Variants in LNPK observed in about 807,000 individuals in gnomAD.
The protein encoded by LNPK is endoplasmic reticulum junction formation protein lunapark.
In LNPK, 29 loss-of-function variants were observed where a neutral mutation model predicts 55.2. That is an observed-to-expected ratio of 0.53 (90% CI 0.39 to 0.72). The LOEUF is 0.72. LNPK is among the 30% of genes least tolerant of loss of function. The pLI is 0.00. For synonymous variants in LNPK, 162 were observed against 168.2 expected, an observed-to-expected ratio of 0.96 and a Z score of 0.29; for missense variants, 467 against 494.8, an observed-to-expected ratio of 0.94 and a Z score of 0.53.
At chr2:175,947,980 T>C (rs1448087473) in intron 8 of LNPK, among the ~76,000 whole-genome samples, 3 of 152,188 alleles carry the variant, frequency 2.0e-5, no homozygotes, top group Admixed American at 2.0e-4. Flanking sequence ...ATGTGCCATG[T>C]CTTTTTAAAG....
At chr2:175,994,758 T>C (rs1251039873) in intron 2 of LNPK, among the ~76,000 whole-genome samples, 2 of 152,154 alleles carry the variant, frequency 1.3e-5, no homozygotes, top group African/African-American at 4.8e-5. Context: ...AACTTTGAGA[T>C]ACTTCCTCTA....
At chr2:175,954,558 T>C (rs565494050) in intron 8 of LNPK, among the ~76,000 whole-genome samples, 16 of 152,304 alleles carry the variant, frequency 1.1e-4, no homozygotes, top group African/African-American at 3.6e-4. Flanking sequence ...TTAGTTGAGT[T>C]TGTTCTTTTG....
chr2:175,959,476 A>G (rs1015918181), intron 8 of LNPK, among the ~76,000 whole-genome samples: 1 of 152,182 alleles, frequency 6.6e-6, no homozygotes, highest in African/African-American at 2.4e-5. Flanking sequence ...TCATAAGTGA[A>G]GGAGAAATAA....
chr2:175,933,152 G>A, intron 12 of LNPK, among the ~76,000 whole-genome samples: 1 of 151,880 alleles, frequency 6.6e-6, no homozygotes. Flanking sequence ...CAATATTCTT[G>A]AGATATTATT....
chr2:175,982,434 A>G (rs116790545), intron 4 of LNPK, among the ~76,000 whole-genome samples: 2,759 of 152,346 alleles, frequency 0.018, 88 homozygotes, highest in African/African-American at 0.062. Flanking sequence ...GGTTTTTATC[A>G]GAATTCCTCC....
chr2:175,983,672 G>C (rs1002596551), intron 4 of LNPK, among the ~76,000 whole-genome samples: 2 of 151,942 alleles, frequency 1.3e-5, no homozygotes, highest in Non-Finnish European at 2.9e-5. Flanking sequence ...TATCTTTTAA[G>C]GTTGAAAATA....
chr2:175,930,069 A>G lies in LNPK; in HGVS notation c.1185T>C (p.Thr395=). 6.2e-7 allele frequency: 1 copy of G among 1,614,012 alleles called. No individual in the cohort carries two copies. Among genetic ancestry groups the G allele is most frequent in the African/African-American group, 1.3e-5 (1 of 75,000 alleles). Residue 395 remains threonine (T), a synonymous_variant, in exon 13 of 13, where the codon ACT becomes ACC. Coordinates refer to ENST00000272748, the MANE Select transcript of LNPK (RefSeq NM_030650.3). ...DSEEPEEKQE[T]ENEEASVIET... is the part of the protein sequence containing the mutation. ...CAATCACTGAGGCTTCCTCATTCTC[A>G]GTCTCTTGTTTCTCCTCTGGTTCCT...
intron 5 of LNPK, among the ~76,000 whole-genome samples, 154 bp downstream of exon 5, chr2:175,979,656 G>T (rs936254473): frequency 6.6e-6 from 1 of 151,636 alleles, no homozygotes; most frequent in Non-Finnish European, 1.5e-5. Context: ...GAACCATCTT[G>T]ATCATTTATA....
intron 4 of LNPK, among the ~76,000 whole-genome samples, chr2:175,986,284 T>C (rs1687407233): frequency 6.6e-6 from 1 of 151,976 alleles, no homozygotes; most frequent in Admixed American, 6.6e-5. Flanking sequence ...AAAAACTCAA[T>C]AAACTTAAAT....
At chr2:175,997,458 T>C (rs1200633636) in intron 1 of LNPK, among the ~76,000 whole-genome samples, 5 of 152,166 alleles carry the variant, frequency 3.3e-5, no homozygotes, top group Admixed American at 2.0e-4. Context: ...TATGAATCAC[T>C]TGTTATTCTC....
chr2:175,955,544 G>GT (rs1685650175), intron 8 of LNPK, among the ~76,000 whole-genome samples: 1 of 152,096 alleles, frequency 6.6e-6, no homozygotes, highest in Non-Finnish European at 1.5e-5. Context: ...CTAAACAATT[G>GT]TAACAGTATG....
At chr2:175,982,569 T>C (rs991801598) in intron 4 of LNPK, among the ~76,000 whole-genome samples, 1 of 152,192 alleles carries the variant, frequency 6.6e-6, no homozygotes. Context: ...TATTTTTTGT[T>C]ATTTTTGTAG....
intron 4 of LNPK, among the ~76,000 whole-genome samples, chr2:175,991,695 G>C (rs1329693037): frequency 5.3e-5 from 8 of 152,124 alleles, no homozygotes; most frequent in Non-Finnish European, 1.0e-4. Flanking sequence ...ACCCATAAAT[G>C]CTTGTTGACT....
intron 8 of LNPK, among the ~76,000 whole-genome samples, chr2:175,949,994 G>A (rs911420732): frequency 3.3e-5 from 5 of 151,900 alleles, no homozygotes; most frequent in Non-Finnish European, 5.9e-5. Flanking sequence ...CAACAAAATA[G>A]TCATATTAGA....
chr2:175,951,284 T>C (rs1574835378), intron 8 of LNPK, among the ~76,000 whole-genome samples: 1 of 152,088 alleles, frequency 6.6e-6, no homozygotes, highest in East Asian at 1.9e-4. Context: ...GAGTAAGTTC[T>C]TTAGTGGTGA....
chr2:175,948,506 CA>C (rs1172897923), intron 8 of LNPK, among the ~76,000 whole-genome samples: 1 of 151,990 alleles, frequency 6.6e-6, no homozygotes, highest in Non-Finnish European at 1.5e-5. Context: ...TGGCTCTTTA[CA>C]AAAAAAGTTT....
At chr2:175,987,108 T>C (rs927118501) in intron 4 of LNPK, among the ~76,000 whole-genome samples, 32 of 152,196 alleles carry the variant, frequency 2.1e-4, no homozygotes, top group Non-Finnish European at 8.8e-5. Flanking sequence ...ATTATTGTAG[T>C]TGAATATAAA....
intron 8 of LNPK, among the ~76,000 whole-genome samples, chr2:175,958,100 C>A (rs1685789694): frequency 6.6e-6 from 1 of 152,222 alleles, no homozygotes; most frequent in Admixed American, 6.5e-5. Flanking sequence ...ACCAGGCCTG[C>A]CTGCCTCTGT....
intron 4 of LNPK, among the ~76,000 whole-genome samples, chr2:175,984,090 C>T (rs1488206902): frequency 6.6e-6 from 1 of 151,868 alleles, no homozygotes; most frequent in Non-Finnish European, 1.5e-5. Flanking sequence ...AACTTTTGCT[C>T]TGCAAAAGAC....
Sources: gnomAD v4.1 joint callset for allele counts (sites outside exome capture counted in the v4.1 genomes callset) on GRCh38, gnomAD v4.1.1 for gene constraint, MANE v1.5 for transcripts, NCBI Gene and HGNC (gene_info 2026-07-23, HGNC 2026-07-21) for gene names.